Variants in THSD7A observed in about 807,000 individuals in gnomAD.
THSD7A encodes thrombospondin type-1 domain-containing protein 7A.
Under a neutral mutation model 231.3 loss-of-function variants are expected in THSD7A, and 96 were observed. The observed-to-expected ratio is 0.41, with a 90% CI of 0.35 to 0.49. The LOEUF is 0.49. Among genes scored for constraint, THSD7A ranks in the 20% least tolerant of loss-of-function variants. THSD7A has a pLI of 0.05. For missense variants in THSD7A, 2,290 were observed against 2,070.2 expected (o/e 1.11, Z -2.06); for synonymous variants, 940 against 743.3 (o/e 1.26, Z -4.30).
At chr7:11,404,359 A>T (rs1046804686) in intron 22 of THSD7A, among the ~76,000 whole-genome samples, 1 of 152,212 alleles carries the variant, frequency 6.6e-6, no homozygotes, top group African/African-American at 2.4e-5. Context: ...TAAGGCATAT[A>T]CCACAGTCTG....
intron 1 of THSD7A, among the ~76,000 whole-genome samples, chr7:11,791,400 C>G (rs1175710650): frequency 3.3e-5 from 5 of 151,972 alleles, no homozygotes; most frequent in African/African-American, 1.2e-4. Flanking sequence ...TACCCCATTA[C>G]CTTCTTTTTC....
intron 19 of THSD7A, among the ~76,000 whole-genome samples, chr7:11,409,911 T>G (rs1675152223): frequency 6.6e-6 from 1 of 152,066 alleles, no homozygotes; most frequent in African/African-American, 2.4e-5. Context: ...CCCGGCTAAT[T>G]TTGTATTTTT....
intron 2 of THSD7A, among the ~76,000 whole-genome samples, chr7:11,631,254 T>C (rs1051865615): frequency 6.6e-5 from 10 of 152,222 alleles, no homozygotes; most frequent in East Asian, 1.9e-4. Flanking sequence ...ATTTATCATA[T>C]AGACACTTCG....
chr7:11,513,672 G>A (rs1318157651), intron 6 of THSD7A, among the ~76,000 whole-genome samples: 3 of 152,110 alleles, frequency 2.0e-5, no homozygotes, highest in African/African-American at 7.2e-5. Context: ...GAAATAGAAT[G>A]TTTTCTCTTG....
At chr7:11,581,910 C>T (rs576679719) in intron 4 of THSD7A, among the ~76,000 whole-genome samples, 2 of 152,068 alleles carry the variant, frequency 1.3e-5, no homozygotes, top group African/African-American at 4.8e-5. Flanking sequence ...ATCTGTTAGT[C>T]TGCTTACATA....
In THSD7A at chr7:11,446,011, C is replaced by T. The variant is rs1784957191; in HGVS notation, c.3064+50G>A. ...TCCACTATGATGCGTGTGCATTTTC[C>T]CTCCACACTCCCGAAGATAGCAAAT... On this transcript the variant is annotated intron_variant, in intron 13 of 27. Coordinates refer to ENST00000423059, the MANE Select transcript of THSD7A (RefSeq NM_015204.3). The surrounding 1 kb of genome is among the most constrained non-coding windows in gnomAD (Gnocchi z 4.0). 2 of 1,603,352 alleles carry T rather than the reference C, an allele frequency of 1.2e-6. No homozygotes were observed. The highest frequency in any genetic ancestry group is 1.7e-6 in the Non-Finnish European group (2 of 1,172,272).
intron 1 of THSD7A, among the ~76,000 whole-genome samples, chr7:11,760,521 G>A (rs7792612): frequency 0.01 from 1,567 of 151,950 alleles, 22 homozygotes; most frequent in African/African-American, 0.035. Flanking sequence ...AAATGTAAAC[G>A]TTGTGAAATC....
chr7:11,509,298 C>T (rs544747868), intron 6 of THSD7A, among the ~76,000 whole-genome samples: 3 of 152,186 alleles, frequency 2.0e-5, no homozygotes, highest in East Asian at 3.9e-4. Context: ...CAGTGATGAA[C>T]TGCAATCATT....
chr7:11,480,035 T>C (rs887701972), intron 7 of THSD7A, among the ~76,000 whole-genome samples: 1 of 152,200 alleles, frequency 6.6e-6, no homozygotes, highest in Non-Finnish European at 1.5e-5. Context: ...CTGCACCCTA[T>C]ATATACAATT....
intron 2 of THSD7A, among the ~76,000 whole-genome samples, chr7:11,627,366 T>C (rs1781507128): frequency 6.6e-6 from 1 of 152,028 alleles, no homozygotes; most frequent in Non-Finnish European, 1.5e-5. Context: ...TGTTGGTATA[T>C]AGCCTTACAT....
chr7:11,828,615 G>T (rs1009770125), intron 1 of THSD7A, among the ~76,000 whole-genome samples: 1 of 152,080 alleles, frequency 6.6e-6, no homozygotes. Context: ...TTAATTGTGA[G>T]CTTCTCAATG....
rs780840485 is a variant in THSD7A at position 11,831,355 on chromosome 7, C to T, written c.190+402G>A. The stretch of plus-strand genomic sequence containing the variant: ...GTTAACAAATTCAACTCTATATCCA[C>T]AAATGTCATGACAGTGAGCATATTG... On this transcript the variant is annotated intron_variant, in intron 1 of 27. Transcript: ENST00000423059. This position sits in a 1 kb window ranked among gnomAD's most constrained non-coding sequence, Gnocchi z 5.0. Among the ~76,000 whole-genome samples the T allele has an allele frequency of 1.3e-5, 2 of 152,152 alleles. No individual in the cohort carries two copies. The highest frequency in any genetic ancestry group is 2.9e-5 in the Non-Finnish European group (2 of 68,026).
chr7:11,375,809 T>A lies in THSD7A; in HGVS notation c.4959A>T (p.Gly1653=). 1.2e-6 allele frequency: 2 copies of A among 1,612,566 alleles called. No individual in the cohort carries two copies. Among genetic ancestry groups the A allele is most frequent in the Non-Finnish European group, 1.7e-6 (2 of 1,178,930 alleles). Residue 1653 remains glycine, a synonymous_variant, in exon 28 of 28, where the codon GGA becomes GGT. Transcript: ENST00000423059. The part of the protein sequence containing the change: ...RLKPLTLAYD[G]DADM ...AAGTTATATGTTACATGTCGGCATC[T>A]CCATCATAGGCTAAGGTTAAAGGTT...
Position 11,669,937 on chromosome 7 carries a change from C to T in THSD7A, c.191-32976G>A, listed in dbSNP as rs1033581281. Among the ~76,000 whole-genome samples the T allele has an allele frequency of 2.6e-5, 4 of 151,836 alleles. 1 individual carries two copies. The South Asian group carries it at 8.3e-4, about 32-fold the overall frequency. On this transcript the variant is annotated intron_variant, in intron 1 of 27. Transcript: ENST00000423059. ...AATTTTCATCCCTAATAACAACTCTCCCAAAGTTTTCAAGTTTAAGTACTG... is the reference window on the plus strand; with the variant it reads ...AATTTTCATCCCTAATAACAACTCTTCCAAAGTTTTCAAGTTTAAGTACTG...
intron 4 of THSD7A, among the ~76,000 whole-genome samples, chr7:11,553,899 A>G (rs532749856): frequency 6.6e-6 from 1 of 152,064 alleles, no homozygotes; most frequent in African/African-American, 2.4e-5. Flanking sequence ...TGGCCAATGA[A>G]GTATTCTGAA....
At chr7:11,495,688 ATTAAAGATGGAAT>A (rs2128308537) in intron 6 of THSD7A, among the ~76,000 whole-genome samples, 1 of 152,284 alleles carries the variant, frequency 6.6e-6, no homozygotes, top group South Asian at 2.1e-4. Context: ...ATGTGCACAT[ATTAAAGATGGAAT>A]AGAGGCTGCC....
intron 23 of THSD7A, among the ~76,000 whole-genome samples, chr7:11,386,387 T>C (rs1583647696): frequency 6.6e-6 from 1 of 152,242 alleles, no homozygotes; most frequent in African/African-American, 2.4e-5. Context: ...CATTGTATCC[T>C]GACTTTTAAA....
At chr7:11,821,640 T>G (rs116976058) in intron 1 of THSD7A, among the ~76,000 whole-genome samples, 1,678 of 152,320 alleles carry the variant, frequency 0.011, 18 homozygotes, top group Non-Finnish European at 0.018. Flanking sequence ...CAGTCTTGCA[T>G]AGCTTTTCCT....
Position 11,636,401 on chromosome 7 carries a change from G to T in THSD7A, c.751C>A (p.Leu251Ile). Residue 251 changes from leucine to isoleucine, a missense_variant, in exon 2 of 28, where the codon CTC becomes ATC. Leu to Ile is a conservative substitution (Grantham distance 5, BLOSUM62 2). Coordinates refer to ENST00000423059, the MANE Select transcript of THSD7A (RefSeq NM_015204.3). This position sits in a 1 kb window ranked among gnomAD's most constrained non-coding sequence, Gnocchi z 10.0. ...GGCCCCACATGCAGGCTGTACCTGA[G>T]CTCCTCGGCCTCGCATGGACTGGAT... ...CQSSPCEAEE[L>I]RYSLHVGPWS... 1 of 1,613,770 alleles carries T rather than the reference G, an allele frequency of 6.2e-7. No individual in the cohort carries two copies. Among genetic ancestry groups the T allele is most frequent in the Non-Finnish European group, 8.5e-7 (1 of 1,179,898 alleles).
Sources: gnomAD v4.1 joint callset for allele counts (sites outside exome capture counted in the v4.1 genomes callset) on GRCh38, gnomAD v4.1.1 for gene constraint, Gnocchi (gnomAD v3.1) non-coding constraint, MANE v1.5 for transcripts, NCBI Gene and HGNC (gene_info 2026-07-23, HGNC 2026-07-21) for gene names.